The following TRAPPC9 variants were observed in gnomAD, a reference collection of about 807,000 sequenced individuals.
The protein encoded by TRAPPC9 is trafficking protein particle complex subunit 9.
A neutral mutation model predicts 124.0 loss-of-function variants in TRAPPC9; 83 were observed. That is an observed-to-expected ratio of 0.67 (90% CI 0.56 to 0.80). The LOEUF (loss-of-function observed/expected upper bound fraction) is 0.80, where lower values mean the gene tolerates loss of function less well. Ranked by LOEUF, TRAPPC9 falls within the 30% of genes least tolerant of loss-of-function variation. The pLI is 0.00. For missense variants in TRAPPC9, 1,302 were observed against 1,508.3 expected, an observed-to-expected ratio of 0.86 and a Z score of 2.27; for synonymous variants, 638 against 617.5, an observed-to-expected ratio of 1.03 and a Z score of -0.49.
At chr8:140,374,595 A>AAAAAG (rs914309321) in intron 7 of TRAPPC9, among the ~76,000 whole-genome samples, 1 of 152,120 alleles carries the variant, frequency 6.6e-6, no homozygotes, top group African/African-American at 2.4e-5. Flanking sequence ...AAGAAAAGAA[A>AAAAAG]AAAAGAAAAA....
chr8:140,131,155 A>T (rs1274127305), intron 17 of TRAPPC9, among the ~76,000 whole-genome samples: 1 of 152,128 alleles, frequency 6.6e-6, no homozygotes, highest in Non-Finnish European at 1.5e-5. Flanking sequence ...GATTGTTTCC[A>T]ATTTCTCCTT....
At chr8:140,053,454 G>T (rs1587603017) in intron 17 of TRAPPC9, among the ~76,000 whole-genome samples, 1 of 152,266 alleles carries the variant, frequency 6.6e-6, no homozygotes, top group East Asian at 1.9e-4. Context: ...TTTTAAATTT[G>T]GTAAGACTTA....
chr8:140,447,352 GT>G (rs2071303646), intron 2 of TRAPPC9, among the ~76,000 whole-genome samples: 1 of 152,172 alleles, frequency 6.6e-6, no homozygotes, highest in South Asian at 2.1e-4. Flanking sequence ...AGCAGTGTTT[GT>G]TTTTTAAAGC....
chr8:140,448,019 C>T (rs1265610956), intron 2 of TRAPPC9, among the ~76,000 whole-genome samples: 4 of 151,968 alleles, frequency 2.6e-5, no homozygotes. Context: ...GTGGCGCACG[C>T]CTGTAATCCC....
rs78120490 is a variant in TRAPPC9, at chr8:139,742,283, C to T, written c.3056-10081G>A. Among the ~76,000 whole-genome samples, 1,997 of 152,316 alleles carry T rather than the reference C, an allele frequency of 0.013. 32 individuals are homozygous for T. The highest frequency in any genetic ancestry group is 0.045 in the African/African-American group (1,851 of 41,568). ...TACCCCCAACCGGCCATGCTGCCGG[C>T]GCTCACTGCTCCCTGTGCAGACAGC... On this transcript the variant is annotated intron_variant, in intron 21 of 22. Coordinates refer to ENST00000438773, the MANE Select transcript of TRAPPC9 (RefSeq NM_001160372.4). The surrounding 1 kb of genome is among the most constrained non-coding windows in gnomAD (Gnocchi z 4.7).
intron 20 of TRAPPC9, among the ~76,000 whole-genome samples, chr8:139,904,126 T>C (rs13251815): frequency 0.15 from 22,266 of 152,182 alleles, 1,885 homozygotes; most frequent in African/African-American, 0.22. Context: ...GCATCTGGTG[T>C]GCCCTGGTGT....
intron 21 of TRAPPC9, among the ~76,000 whole-genome samples, chr8:139,791,415 ACACT>A (rs1345853645): frequency 1.4e-5 from 2 of 147,734 alleles, no homozygotes; most frequent in African/African-American, 2.6e-5. Flanking sequence ...ACTCACACAC[ACACT>A]CACACAGGTG....
chr8:140,359,789 G>A (rs1312876753), intron 9 of TRAPPC9, among the ~76,000 whole-genome samples: 2 of 152,200 alleles, frequency 1.3e-5, no homozygotes, highest in Non-Finnish European at 2.9e-5. Flanking sequence ...CCTGAGAGGT[G>A]GAGGGAAAAG....
chr8:139,887,424 T>C (rs1830084427), intron 20 of TRAPPC9, among the ~76,000 whole-genome samples: 1 of 152,150 alleles, frequency 6.6e-6, no homozygotes, highest in Non-Finnish European at 1.5e-5. Context: ...GGTTTCACCA[T>C]GTTGGCCCAG....
intron 16 of TRAPPC9, among the ~76,000 whole-genome samples, chr8:140,235,628 C>T (rs767249489): frequency 1.3e-5 from 2 of 152,190 alleles, no homozygotes; most frequent in Non-Finnish European, 2.9e-5. Flanking sequence ...TAATTTAAAA[C>T]ACTGACAATA....
Position 140,063,219 on chromosome 8 carries a change from A to G in TRAPPC9, c.2557-39140T>C, listed in dbSNP as rs1842730284. On this transcript the variant is annotated intron_variant, in intron 17 of 22. Coordinates refer to ENST00000438773, the MANE Select transcript of TRAPPC9 (RefSeq NM_001160372.4). The surrounding 1 kb of genome is among the most constrained non-coding windows in gnomAD (Gnocchi z 4.3). ...ATACATGGGGCTTATGGAGATTATA[A>G]TTTACAGTGAGATTCGGGTGGGAGC... Among the ~76,000 whole-genome samples, 1 of 152,136 alleles carries G rather than the reference A, an allele frequency of 6.6e-6. No homozygotes were observed. Among genetic ancestry groups the G allele is most frequent in the Non-Finnish European group, 1.5e-5 (1 of 68,018 alleles).
intron 21 of TRAPPC9, among the ~76,000 whole-genome samples, chr8:139,859,869 C>G (rs1828020759): frequency 6.6e-6 from 1 of 152,250 alleles, no homozygotes; most frequent in African/African-American, 2.4e-5. Context: ...TCTGCTAATT[C>G]TTTAATTAAA....
intron 17 of TRAPPC9, among the ~76,000 whole-genome samples, chr8:140,138,892 C>T (rs2061343263): frequency 6.6e-6 from 1 of 152,082 alleles, no homozygotes; most frequent in South Asian, 2.1e-4. Context: ...ATGTCTGCAG[C>T]CTGGGGCAGT....
At chr8:140,133,646 T>C (rs1209824312) in intron 17 of TRAPPC9, among the ~76,000 whole-genome samples, 1 of 152,206 alleles carries the variant, frequency 6.6e-6, no homozygotes, top group African/African-American at 2.4e-5. Context: ...GACATGAGCC[T>C]ACATTAGAAA....
At chr8:140,181,668 T>C (rs2062207959) in intron 17 of TRAPPC9, among the ~76,000 whole-genome samples, 1 of 152,270 alleles carries the variant, frequency 6.6e-6, no homozygotes, top group East Asian at 1.9e-4. Context: ...ATACTTGTGG[T>C]TTTATTTCTT....
intron 17 of TRAPPC9, among the ~76,000 whole-genome samples, chr8:140,050,425 A>G (rs1425683969): frequency 6.6e-6 from 1 of 152,260 alleles, no homozygotes; most frequent in East Asian, 1.9e-4. Flanking sequence ...CCACTTTGCA[A>G]ATCAGGGGAC....
At chr8:139,939,516 G>A (rs1477199144) in intron 19 of TRAPPC9, among the ~76,000 whole-genome samples, 5 of 152,026 alleles carry the variant, frequency 3.3e-5, no homozygotes, top group African/African-American at 1.2e-4. Context: ...CCATTCCCAG[G>A]GCAGGATCTG....
intron 5 of TRAPPC9, among the ~76,000 whole-genome samples, chr8:140,416,732 T>C (rs1224899443): frequency 6.6e-6 from 1 of 152,158 alleles, no homozygotes; most frequent in Admixed American, 6.5e-5. Context: ...AAATTTCATA[T>C]GGAACCAAAA....
chr8:139,802,318 G>A (rs1314701221), intron 21 of TRAPPC9, among the ~76,000 whole-genome samples: 1 of 152,194 alleles, frequency 6.6e-6, no homozygotes, highest in African/African-American at 2.4e-5. Context: ...GGCCCCACGG[G>A]GACTGGCTTT....
Sources: gnomAD v4.1 joint callset for allele counts (sites outside exome capture counted in the v4.1 genomes callset) on GRCh38, gnomAD v4.1.1 for gene constraint, Gnocchi (gnomAD v3.1) non-coding constraint, MANE v1.5 for transcripts, NCBI Gene and HGNC (gene_info 2026-07-23, HGNC 2026-07-21) for gene names.